The following CAPN3 variants were observed in gnomAD, a reference collection of about 807,000 sequenced individuals.
The protein encoded by CAPN3 is calpain 3, also known as calpain-3.
Under a neutral mutation model 114.0 loss-of-function variants are expected in CAPN3, and 88 were observed. The ratio of observed to expected loss-of-function variants is 0.77; its 90% CI spans 0.65 to 0.92. The LOEUF (loss-of-function observed/expected upper bound fraction) is 0.92. Among genes scored for constraint, CAPN3 ranks in the 40% least tolerant of loss-of-function variants. The pLI is 0.00. For synonymous variants in CAPN3, 386 were observed against 382.9 expected (o/e 1.01, Z -0.09); for missense variants, 1,028 against 1,069.0 (o/e 0.96, Z 0.53).
At chr15:42,409,883 G>GCCCCCCCCCCCA in intron 18 of CAPN3, 39 bp downstream of exon 18, 1 of 559,670 alleles carries the variant, frequency 1.8e-6, no homozygotes, top group Non-Finnish European at 3.5e-6. Context: ...GGTGGGTGGG[G>GCCCCCCCCCCCA]AGTCCCGTTG....
chr15:42,367,655 A>G (rs1212639950), intron 1 of CAPN3, among the ~76,000 whole-genome samples: 2 of 152,216 alleles, frequency 1.3e-5, no homozygotes, highest in Non-Finnish European at 2.9e-5. Context: ...GGATGGCTCC[A>G]TCTCCTTGAG....
chr15:42,397,407 C>T (rs1369568057), intron 9 of CAPN3, among the ~76,000 whole-genome samples: 5 of 152,004 alleles, frequency 3.3e-5, no homozygotes, highest in Admixed American at 6.6e-5. Context: ...TTTGGGAGGC[C>T]GAGGTGAACG....
chr15:42,364,155 C>T (rs745995385), intron 1 of CAPN3, among the ~76,000 whole-genome samples: 7 of 152,190 alleles, frequency 4.6e-5, no homozygotes, highest in Non-Finnish European at 7.3e-5. Flanking sequence ...TGGAATGGCA[C>T]AGTGGCTAAG....
intron 16 of CAPN3, chr15:42,408,875 C>G (rs550988242): frequency 7.2e-6 from 2 of 278,170 alleles, no homozygotes; most frequent in South Asian, 8.1e-5. Context: ...GGGAGCCCCT[C>G]TTCTATCTGG....
intron 6 of CAPN3, among the ~76,000 whole-genome samples, chr15:42,392,140 G>C (rs2053571733): frequency 6.6e-6 from 1 of 152,138 alleles, no homozygotes; most frequent in African/African-American, 2.4e-5. Flanking sequence ...ACTCCAGCCT[G>C]GGCGACACAG....
rs779576964 is a variant in CAPN3, at chr15:42,394,244, T to C, written c.1030-12T>C. 1.3e-6 allele frequency: 2 copies of C among 1,553,498 alleles called. No individual in the cohort carries two copies. Among genetic ancestry groups the C allele is most frequent in the East Asian group, 2.4e-5 (1 of 41,194 alleles). On this transcript the variant is annotated splice_polypyrimidine_tract_variant and intron_variant, in intron 7 of 23. Transcript: ENST00000397163. Reference sequence around the variant, plus strand: ...GGCTGCAGAGCATGAGAGCTCTTTCTGTGTGCTTAAGGTCCCGTTCAAAGG... The same window carrying C: ...GGCTGCAGAGCATGAGAGCTCTTTCCGTGTGCTTAAGGTCCCGTTCAAAGG...
chr15:42,367,435 G>A (rs527779439), intron 1 of CAPN3, among the ~76,000 whole-genome samples: 9 of 152,244 alleles, frequency 5.9e-5, no homozygotes, highest in East Asian at 5.8e-4. Context: ...GAGCTGACAC[G>A]TACTTTTCCA....
chr15:42,399,060 C>T (rs550172685), intron 9 of CAPN3, among the ~76,000 whole-genome samples: 1 of 152,274 alleles, frequency 6.6e-6, no homozygotes, highest in East Asian at 1.9e-4. Flanking sequence ...GCTGGGATTA[C>T]AGGCATGAGC....
intron 15 of CAPN3, among the ~76,000 whole-genome samples, chr15:42,406,665 CTG>C (rs2054032235): frequency 6.6e-6 from 1 of 152,168 alleles, no homozygotes; most frequent in South Asian, 2.1e-4. Flanking sequence ...ACTCCAAAAC[CTG>C]TGTTTCTTGC....
At chr15:42,409,698 C>A in intron 17 of CAPN3, 89 bp from the exon 18 acceptor site, 1 of 1,194,898 alleles carries the variant, frequency 8.4e-7, no homozygotes, top group Non-Finnish European at 1.3e-6. Context: ...ATTTTACAAA[C>A]ACAGCCAGGT....
Position 42,404,804 on chromosome 15 carries a change from C to T in CAPN3, c.1782+1027C>T, listed in dbSNP as rs1595840774. 9 of 1,076,980 alleles carry T rather than the reference C, an allele frequency of 8.4e-6. No homozygotes were observed. In the African/African-American group the frequency reaches 9.8e-5, roughly 12 times the overall value. The allele number at this position is 1,076,980 out of a possible 1,614,324, so 66.7% of individuals were successfully genotyped here. ...CATAATCCTGACCCTGAGCCAGTGC[C>T]AGGTCTCCAAGTGCCTTCTGAATGA... On this transcript the variant is annotated intron_variant, in intron 14 of 23. Coordinates refer to ENST00000397163, the MANE Select transcript of CAPN3 (RefSeq NM_000070.3).
chr15:42,402,158 C>T, intron 12 of CAPN3, 23 bp downstream of exon 12: 1 of 1,614,044 alleles, frequency 6.2e-7, no homozygotes, highest in Admixed American at 1.7e-5. Flanking sequence ...CAGCGGCCAG[C>T]AGTTGTGTGC....
In CAPN3 at chr15:42,411,965, T is replaced by C. The variant is rs2054267939; in HGVS notation, c.*192T>C. 7 of 1,517,184 alleles carry C rather than the reference T, an allele frequency of 4.6e-6. No homozygotes were observed. Among genetic ancestry groups the C allele is most frequent in the Middle Eastern group, 1.7e-4 (1 of 5,804 alleles). The allele number at this position is 1,517,184 out of a possible 1,614,324, so 94.0% of individuals were successfully genotyped here. A position where few individuals can be genotyped will look rare whatever the true frequency, so the allele number is the denominator to read the frequency against. ...ATCGGTCATGCCTAGCCTGACCCTT[T>C]AGTAAAGCAATGAGGTAGGAAGAAC... is the stretch of plus-strand genomic sequence containing the variant. On this transcript the variant is annotated 3_prime_UTR_variant, in exon 24 of 24. Coordinates refer to ENST00000397163, the MANE Select transcript of CAPN3 (RefSeq NM_000070.3).
At chr15:42,360,347 T>C (rs998268102) in intron 1 of CAPN3, among the ~76,000 whole-genome samples, 6 of 151,520 alleles carry the variant, frequency 4.0e-5, no homozygotes, top group Middle Eastern at 3.4e-3. Flanking sequence ...CTGATTCTTA[T>C]GCTCTGGCTC....
At chr15:42,410,330 A>AG in intron 19 of CAPN3, 98 bp from the exon 20 acceptor site, 2 of 1,048,996 alleles carry the variant, frequency 1.9e-6, no homozygotes, top group Non-Finnish European at 3.0e-6. Flanking sequence ...ATAGTACAAC[A>AG]GGGCAGTGGG....
intron 1 of CAPN3, among the ~76,000 whole-genome samples, chr15:42,378,698 T>C (rs1179207496): frequency 1.3e-5 from 2 of 152,234 alleles, no homozygotes; most frequent in South Asian, 2.1e-4. Flanking sequence ...TAGGCTTAAG[T>C]ATCTCTTCTA....
At chr15:42,391,110 T>C (rs1262659636) in intron 6 of CAPN3, among the ~76,000 whole-genome samples, 3 of 152,168 alleles carry the variant, frequency 2.0e-5, no homozygotes, top group Non-Finnish European at 4.4e-5. Flanking sequence ...ATATTCTTAA[T>C]GTGCCCAAAG....
intron 15 of CAPN3, among the ~76,000 whole-genome samples, 155 bp from the exon 16 acceptor site, chr15:42,408,056 T>C (rs559133705): frequency 6.6e-6 from 1 of 152,324 alleles, no homozygotes; most frequent in East Asian, 1.9e-4. Context: ...GGCTTGTCAG[T>C]GGCAGAGATA....
chr15:42,385,402 G>A (rs1468008985), intron 2 of CAPN3, among the ~76,000 whole-genome samples: 1 of 152,062 alleles, frequency 6.6e-6, no homozygotes, highest in Non-Finnish European at 1.5e-5. Context: ...AAGGAGGGTA[G>A]GGGAGAGTGG....
Sources: allele counts gnomAD v4.1 joint callset (sites outside exome capture counted in the v4.1 genomes callset), GRCh38; gene constraint gnomAD v4.1.1; transcripts MANE v1.5; gene names NCBI Gene and HGNC (gene_info 2026-07-23, HGNC 2026-07-21).